COL24A1: variants seen among roughly 807,000 people sequenced by gnomAD.
COL24A1 encodes the protein collagen type XXIV alpha 1 chain.
In COL24A1, 224 loss-of-function variants were observed where a neutral mutation model predicts 253.9. The ratio of observed to expected loss-of-function variants is 0.88; its 90% CI spans 0.79 to 0.99. The LOEUF (loss-of-function observed/expected upper bound fraction) is 0.99, where lower values mean the gene tolerates loss of function less well. COL24A1 is among the 50% of genes least tolerant of loss of function. The pLI is 0.00. For synonymous variants in COL24A1, 685 were observed against 673.7 expected (o/e 1.02, Z -0.26); for missense variants, 2,131 against 2,068.5 (o/e 1.03, Z -0.59).
At chr1:86,083,607 T>G (rs954481705) in intron 7 of COL24A1, among the ~76,000 whole-genome samples, 1 of 152,068 alleles carries the variant, frequency 6.6e-6, no homozygotes, top group African/African-American at 2.4e-5. Flanking sequence ...CGCATAATCA[T>G]GTAAAAGGCA....
intron 55 of COL24A1, among the ~76,000 whole-genome samples, chr1:85,755,482 C>G (rs747372298): frequency 1.3e-5 from 2 of 152,074 alleles, no homozygotes; most frequent in Non-Finnish European, 2.9e-5. Context: ...TCAAAACTTA[C>G]TATAAAGCTG....
chr1:85,840,597 T>G (rs1013685169), intron 42 of COL24A1, among the ~76,000 whole-genome samples: 2 of 152,144 alleles, frequency 1.3e-5, no homozygotes, highest in Non-Finnish European at 2.9e-5. Context: ...ACTAAAAATT[T>G]TCATTTAATC....
chr1:86,008,402 G>A (rs553805119), intron 19 of COL24A1, among the ~76,000 whole-genome samples: 3 of 151,960 alleles, frequency 2.0e-5, no homozygotes, highest in Admixed American at 1.3e-4. Flanking sequence ...ACACCACCAT[G>A]CCAGGCTAAT....
intron 43 of COL24A1, among the ~76,000 whole-genome samples, chr1:85,828,387 A>T (rs1368073111): frequency 6.6e-6 from 1 of 151,236 alleles, no homozygotes; most frequent in Non-Finnish European, 1.5e-5. Flanking sequence ...TGCTGAAAAA[A>T]ATGTATATTC....
chr1:85,830,310 C>T (rs563758680), intron 43 of COL24A1, among the ~76,000 whole-genome samples: 219 of 152,258 alleles, frequency 1.4e-3, no homozygotes, highest in African/African-American at 5.1e-3. Context: ...GCTGGGAGAA[C>T]CACTGCTCTC....
chr1:85,963,018 TATA>T lies in COL24A1; in HGVS notation c.2518-1728_2518-1726del, dbSNP rs1486633784. The stretch of plus-strand genomic sequence containing the variant: ...CAATATTGATTACATGTTGAAAGGA[TATA>T]ATATTTGGATATCTTGAGTTAAATA... On this transcript the variant is annotated intron_variant, in intron 23 of 59. Coordinates refer to ENST00000370571, the MANE Select transcript of COL24A1 (RefSeq NM_152890.7). Among the ~76,000 whole-genome samples the T allele has an allele frequency of 5.9e-5, 9 of 152,286 alleles. No homozygotes were observed. The South Asian group carries it at 1.9e-3, about 32-fold the overall frequency.
Position 86,017,113 on chromosome 1 carries a change from T to G in COL24A1, c.2310+38A>C. The G allele has an allele frequency of 1.9e-6, 3 of 1,553,598 alleles. No individual in the cohort carries two copies. The South Asian group carries it at 3.5e-5, about 18-fold the overall frequency. Reference sequence around the variant, plus strand: ...ATCAAACAAGTTTAATTTCCACCATTTTGTTTCAAATTTATTAACTTTCCA... The same window carrying G: ...ATCAAACAAGTTTAATTTCCACCATGTTGTTTCAAATTTATTAACTTTCCA... On this transcript the variant is annotated intron_variant, in intron 19 of 59. Transcript: ENST00000370571.
chr1:86,120,811 T>C (rs1306085283), intron 3 of COL24A1, among the ~76,000 whole-genome samples: 1 of 152,214 alleles, frequency 6.6e-6, no homozygotes, highest in African/African-American at 2.4e-5. Flanking sequence ...CAAAGGATTA[T>C]AAATCATGCT....
At chr1:86,105,139 G>A (rs1484298125) in intron 5 of COL24A1, among the ~76,000 whole-genome samples, 4 of 152,160 alleles carry the variant, frequency 2.6e-5, no homozygotes, top group Admixed American at 2.6e-4. Context: ...GTGGGGTGCT[G>A]GCAGGAGCAG....
At chr1:86,005,036 A>C (rs933638504) in intron 19 of COL24A1, among the ~76,000 whole-genome samples, 3 of 152,314 alleles carry the variant, frequency 2.0e-5, no homozygotes, top group Middle Eastern at 3.4e-3. Flanking sequence ...CTACCAGATA[A>C]GCTACCAAGA....
intron 1 of COL24A1, among the ~76,000 whole-genome samples, chr1:86,152,780 C>T (rs1444130916): frequency 6.6e-6 from 1 of 152,196 alleles, no homozygotes; most frequent in Non-Finnish European, 1.5e-5. Flanking sequence ...AAGTTCCTGG[C>T]ACATACTAGT....
At chr1:86,149,164 G>C (rs1029260394) in intron 1 of COL24A1, among the ~76,000 whole-genome samples, 1 of 152,118 alleles carries the variant, frequency 6.6e-6, no homozygotes, top group African/African-American at 2.4e-5. Context: ...CAAAGTGCTG[G>C]GATTACAGGC....
chr1:86,003,897 C>A (rs1027957603), intron 19 of COL24A1, among the ~76,000 whole-genome samples: 1 of 152,044 alleles, frequency 6.6e-6, no homozygotes, highest in Non-Finnish European at 1.5e-5. Flanking sequence ...AAGCATATAC[C>A]ATGAAGGAGG....
chr1:85,936,729 A>G (rs1487482198), intron 24 of COL24A1, among the ~76,000 whole-genome samples: 1 of 147,058 alleles, frequency 6.8e-6, no homozygotes, highest in Non-Finnish European at 1.5e-5. Flanking sequence ...AGAGGAATCA[A>G]TGGTGGAAAA....
chr1:85,992,285 G>A (rs1162769806), intron 19 of COL24A1, among the ~76,000 whole-genome samples: 1 of 152,150 alleles, frequency 6.6e-6, no homozygotes, highest in African/African-American at 2.4e-5. Context: ...GTATTCCATG[G>A]TGTATATGAT....
chr1:86,132,120 G>C (rs1261806448), intron 2 of COL24A1, among the ~76,000 whole-genome samples: 1 of 152,216 alleles, frequency 6.6e-6, no homozygotes, highest in South Asian at 2.1e-4. Context: ...GGCCAGTGAT[G>C]ATGAGCATTT....
intron 24 of COL24A1, among the ~76,000 whole-genome samples, chr1:85,921,224 C>G (rs1172511787): frequency 2.0e-5 from 3 of 152,216 alleles, no homozygotes; most frequent in Non-Finnish European, 4.4e-5. Context: ...TCGGGACACT[C>G]CTGCCCAAAT....
chr1:86,143,299 C>T (rs935853591), intron 2 of COL24A1, among the ~76,000 whole-genome samples: 6 of 152,078 alleles, frequency 3.9e-5, no homozygotes, highest in African/African-American at 1.2e-4. Flanking sequence ...TTTTAGCATG[C>T]AGAAGGAATA....
At chr1:86,007,512 C>A (rs1377784216) in intron 19 of COL24A1, among the ~76,000 whole-genome samples, 1 of 152,186 alleles carries the variant, frequency 6.6e-6, no homozygotes, top group African/African-American at 2.4e-5. Context: ...AAACCCTGCA[C>A]ATGACTATTT....
Sources: gnomAD v4.1 joint callset for allele counts (sites outside exome capture counted in the v4.1 genomes callset) on GRCh38, gnomAD v4.1.1 for gene constraint, MANE v1.5 for transcripts, NCBI Gene and HGNC (gene_info 2026-07-23, HGNC 2026-07-21) for gene names.